PCID2: variants seen among roughly 807,000 people sequenced by gnomAD.
PCID2 encodes PCI domain-containing protein 2.
PCID2 carries 41 observed loss-of-function variants against 61.3 expected under a neutral mutation model. That is an observed-to-expected ratio of 0.67 (90% confidence interval 0.52 to 0.87). PCID2 has a LOEUF of 0.87. Ranked by LOEUF, PCID2 falls within the 40% of genes least tolerant of loss-of-function variation. The pLI, the probability that PCID2 is intolerant of heterozygous loss-of-function variation, is 0.00. For synonymous variants in PCID2, 187 were observed against 177.8 expected (o/e 1.05, Z -0.41); for missense variants, 392 against 493.4 (o/e 0.79, Z 1.95).
the PCID2 span, among the ~76,000 whole-genome samples, chr13:113,167,323 A>G: frequency 6.6e-6 from 1 of 152,344 alleles, no homozygotes; most frequent in South Asian, 2.1e-4. Flanking sequence ...AACAAGTGGC[A>G]GCTATTATTC....
downstream of PCID2, among the ~76,000 whole-genome samples, chr13:113,176,377 G>C (rs116818078): frequency 2.6e-3 from 390 of 149,894 alleles, 8 homozygotes; most frequent in African/African-American, 9.2e-3. Context: ...GCCCCAGTGT[G>C]ACTGTATCTG....
intron 7 of PCID2, 175 bp downstream of exon 7, chr13:113,190,695 CTT>C: frequency 2.2e-6 from 1 of 444,732 alleles, no homozygotes; most frequent in Non-Finnish European, 4.0e-6. Context: ...TCCCTCAGCT[CTT>C]ATTTCCTTTA....
At chr13:113,168,943 G>C in the PCID2 span, among the ~76,000 whole-genome samples, 5 of 152,220 alleles carry the variant, frequency 3.3e-5, 1 homozygote, top group African/African-American at 1.2e-4. Context: ...TGCTCAGGCT[G>C]GTCTCAAACT....
At chr13:113,194,183 C>A (rs2038832333) in intron 6 of PCID2, among the ~76,000 whole-genome samples, 1 of 152,306 alleles carries the variant, frequency 6.6e-6, no homozygotes, top group African/African-American at 2.4e-5. Context: ...CCCCAGTCCG[C>A]ACCACTTTGC....
the PCID2 span, chr13:113,170,581 C>G: frequency 9.2e-7 from 1 of 1,087,168 alleles, no homozygotes; most frequent in Non-Finnish European, 1.4e-6. Context: ...AATACACTAT[C>G]CTATGTAAGA....
In PCID2 at chr13:113,191,971, G is replaced by A. The variant is rs1248716012; in HGVS notation, c.364-996C>T. 4.6e-5 allele frequency among the ~76,000 whole-genome samples: 7 copies of A among 152,218 alleles called. No homozygotes were observed. The East Asian group carries it at 1.2e-3, about 25-fold the overall frequency. On this transcript the variant is annotated intron_variant, in intron 6 of 13. Coordinates refer to ENST00000337344, the MANE Select transcript of PCID2 (RefSeq NM_001127202.4). ...TTAGTTTCCTTTAAAAAATGTCCTC[G>A]ATGAGCCAAGCACAGTGGTTCACAC...
At position 113,178,923 on chromosome 13, in the gene PCID2, T is replaced by C. The variant is rs1180037375; in HGVS notation, c.1110+43A>G. 2.5e-6 allele frequency: 4 copies of C among 1,582,140 alleles called. No individual in the cohort carries two copies. The Admixed American group carries it at 7.4e-5, about 29-fold the overall frequency. ...GAAGCTTCAAATTCTGGGCTGAATCTTGCTGTGAGTAGCTGCTTAAATTAA... is the reference window on the plus strand; with the variant it reads ...GAAGCTTCAAATTCTGGGCTGAATCCTGCTGTGAGTAGCTGCTTAAATTAA... On this transcript the variant is annotated intron_variant, in intron 13 of 13. Transcript: ENST00000337344.
chr13:113,178,282 G>A lies in PCID2; in HGVS notation c.1116C>T (p.His372=), dbSNP rs375229185. 56 of 1,612,504 alleles carry A rather than the reference G, an allele frequency of 3.5e-5. No individual in the cohort carries two copies. The highest frequency in any genetic ancestry group is 1.8e-4 in the Admixed American group (11 of 59,984). Reference sequence around the variant, plus strand: ...GCTGATGCGATATGTAGCCTTTGACGTGTCCCTGCGGGGCAGAAAGGGAGG... The same window carrying A: ...GCTGATGCGATATGTAGCCTTTGACATGTCCCTGCGGGGCAGAAAGGGAGG... ...CILANLIYMG[H]VKGYISHQHQ... is the part of the protein sequence containing the mutation. The change falls in exon 14 of 14, where the codon CAC becomes CAT. Residue 372 remains histidine, a synonymous_variant. Coordinates refer to ENST00000337344, the MANE Select transcript of PCID2 (RefSeq NM_001127202.4).
chr13:113,171,703 G>A, the PCID2 span: 3 of 1,613,744 alleles, frequency 1.9e-6, no homozygotes, highest in African/African-American at 2.7e-5. The surrounding 1 kb of genome is among the most constrained non-coding windows in gnomAD (Gnocchi z 5.1). Flanking sequence ...TGCTGGAGCT[G>A]GAGTGGCCCA....
At chr13:113,167,926 A>C in the PCID2 span, among the ~76,000 whole-genome samples, 44 of 151,854 alleles carry the variant, frequency 2.9e-4, 1 homozygote, top group Admixed American at 1.3e-4. Context: ...TTGTTGGTTT[A>C]TCATCTCTGG....
At chr13:113,207,045 TC>T (rs1334945452) in intron 1 of PCID2, among the ~76,000 whole-genome samples, 5 of 152,348 alleles carry the variant, frequency 3.3e-5, no homozygotes, top group African/African-American at 1.2e-4. Context: ...GAAAAATGAC[TC>T]TCTCCAATCC....
At chr13:113,185,620 CAAAAT>C in intron 7 of PCID2, 60 bp from the exon 8 acceptor site, 1 of 1,096,652 alleles carries the variant, frequency 9.1e-7, no homozygotes, top group Non-Finnish European at 1.4e-6. Flanking sequence ...TTATAAATCA[CAAAAT>C]AAACTGCCTA....
intron 1 of PCID2, among the ~76,000 whole-genome samples, chr13:113,201,315 T>C (rs899137469): frequency 2.6e-5 from 4 of 151,972 alleles, no homozygotes; most frequent in Non-Finnish European, 4.4e-5. Context: ...ACTGTATAAC[T>C]TGATTTGGGA....
At chr13:113,208,433 T>A in intron 1 of PCID2, 166 bp downstream of exon 1, 1 of 1,500,924 alleles carries the variant, frequency 6.7e-7, no homozygotes, top group Non-Finnish European at 8.9e-7. Flanking sequence ...CCTTCCCGAG[T>A]CCCGGCCGCC....
At chr13:113,191,414 T>C (rs1398694798) in intron 6 of PCID2, among the ~76,000 whole-genome samples, 1 of 152,156 alleles carries the variant, frequency 6.6e-6, no homozygotes, top group Non-Finnish European at 1.5e-5. Context: ...TCAGCTAGCA[T>C]GTACTATAAT....
intron 6 of PCID2, 130 bp downstream of exon 6, chr13:113,194,941 C>T: frequency 2.9e-6 from 2 of 680,764 alleles, no homozygotes; most frequent in Non-Finnish European, 5.4e-6. Flanking sequence ...CTTTCTTTTG[C>T]TCCCTATACC....
rs757258804 is a variant in PCID2 at position 113,178,044 on chromosome 13, G to A, written c.*154C>T. On this transcript the variant is annotated 3_prime_UTR_variant, in exon 14 of 14. Coordinates refer to ENST00000337344, the MANE Select transcript of PCID2 (RefSeq NM_001127202.4). ...TTACAAATGAAGGAGATTAACTCGGGTGTGCTGAAAATCTCAGCCTCAGCA... is the reference window on the plus strand; with the variant it reads ...TTACAAATGAAGGAGATTAACTCGGATGTGCTGAAAATCTCAGCCTCAGCA... 8 of 539,394 alleles carry A rather than the reference G, an allele frequency of 1.5e-5. No individual in the cohort carries two copies. Among genetic ancestry groups the A allele is most frequent in the Admixed American group, 3.5e-5 (1 of 28,520 alleles). The allele number at this position is 539,394 out of a possible 1,614,324, so 33.4% of individuals were successfully genotyped here.
chr13:113,177,725 A>G lies in PCID2; in HGVS notation c.*473T>C, dbSNP rs2037239654. 6.6e-6 allele frequency: 1 copy of G among 152,282 alleles called. No homozygotes were observed. Among genetic ancestry groups the G allele is most frequent in the South Asian group, 2.1e-4 (1 of 4,836 alleles). 9.4% of individuals were successfully genotyped at this position (152,282 alleles called of 1,614,324 possible). ...TTAAATCAAATTAAATTCTGCTTTT[A>G]AAAAGGTGCCTTAAGTTAACCAAGC... On this transcript the variant is annotated 3_prime_UTR_variant, in exon 14 of 14. Coordinates refer to ENST00000337344, the MANE Select transcript of PCID2 (RefSeq NM_001127202.4).
intron 8 of PCID2, 132 bp downstream of exon 8, chr13:113,185,352 AT>A: frequency 1.5e-6 from 1 of 671,524 alleles, no homozygotes; most frequent in Non-Finnish European, 2.7e-6. Flanking sequence ...AATGTTTGCT[AT>A]TAGGACTAGG....
Sources: allele counts gnomAD v4.1 joint callset (sites outside exome capture counted in the v4.1 genomes callset), GRCh38; gene constraint gnomAD v4.1.1; non-coding constraint Gnocchi (gnomAD v3.1); transcripts MANE v1.5; gene names NCBI Gene and HGNC (gene_info 2026-07-23, HGNC 2026-07-21).